OGN: variants seen among roughly 807,000 people sequenced by gnomAD.
OGN encodes the protein mimecan.
Under a neutral mutation model 30.8 loss-of-function variants are expected in OGN, and 19 were observed. The observed-to-expected ratio is 0.62, with a 90% CI of 0.43 to 0.90. The LOEUF (loss-of-function observed/expected upper bound fraction) is 0.90. OGN is among the 40% of genes least tolerant of loss of function. OGN has a pLI of 0.00. For missense variants in OGN, 283 were observed against 349.7 expected (o/e 0.81, Z 1.52); for synonymous variants, 126 against 128.3 (o/e 0.98, Z 0.12).
In OGN at chr9:92,386,200, C is replaced by T. The variant is rs141376892; in HGVS notation, c.726+1G>A. 5 of 1,591,272 alleles carry T rather than the reference C, an allele frequency of 3.1e-6. No homozygotes were observed. Among genetic ancestry groups the T allele is most frequent in the Non-Finnish European group, 2.6e-6 (3 of 1,159,508 alleles). The stretch of plus-strand genomic sequence containing the variant: ...AGATATTGTGAAAGGAACTATCATA[C>T]CTGAAGATGAATTACACGTAGACTT... On this transcript the variant is annotated splice_donor_variant, in intron 6 of 6. Transcript: ENST00000375561. LOFTEE classifies it high-confidence loss of function.
intron 4 of OGN, among the ~76,000 whole-genome samples, chr9:92,391,086 G>A (rs779153046): frequency 3.0e-4 from 46 of 151,850 alleles, no homozygotes; most frequent in Middle Eastern, 3.4e-3. Context: ...CCAACACAGC[G>A]CAACCTCATC....
upstream of OGN, chr9:92,404,615 A>C: frequency 2.3e-6 from 3 of 1,288,112 alleles, no homozygotes; most frequent in Non-Finnish European, 3.0e-6. Flanking sequence ...CTGCTGAGTA[A>C]AATTTCAGGG....
chr9:92,396,744 T>C (rs1032318483), intron 3 of OGN, among the ~76,000 whole-genome samples: 2 of 152,120 alleles, frequency 1.3e-5, no homozygotes, highest in East Asian at 3.9e-4. Flanking sequence ...CTTGGTTAAA[T>C]TTTTTGTAGA....
At chr9:92,388,408 T>C (rs576111142) in intron 5 of OGN, among the ~76,000 whole-genome samples, 2 of 152,034 alleles carry the variant, frequency 1.3e-5, no homozygotes, top group East Asian at 3.9e-4. Flanking sequence ...GTGATCCGCC[T>C]GCCTCATCCT....
intron 4 of OGN, among the ~76,000 whole-genome samples, chr9:92,390,704 TACTGA>T (rs1355883019): frequency 6.6e-6 from 1 of 152,226 alleles, no homozygotes; most frequent in East Asian, 1.9e-4. Context: ...AATTTGTAAA[TACTGA>T]ACCATTATTC....
chr9:92,389,002 T>C (rs1407512596), intron 5 of OGN, among the ~76,000 whole-genome samples: 1 of 152,180 alleles, frequency 6.6e-6, no homozygotes, highest in Non-Finnish European at 1.5e-5. Context: ...AATGGACTAT[T>C]TGTACACTTT....
rs563950879 is a variant in OGN, at chr9:92,391,864, A to C, written c.427+1222T>G. On this transcript the variant is annotated intron_variant, in intron 4 of 6. Coordinates refer to ENST00000375561, the MANE Select transcript of OGN (RefSeq NM_014057.5). ...TGTATTAATTTTGGGGTTATAAATA[A>C]ATTTTAGCAAGTGGGTATTCACAAA... is the stretch of plus-strand genomic sequence containing the variant. Among the ~76,000 whole-genome samples the C allele has an allele frequency of 4.6e-5, 7 of 152,298 alleles. No individual in the cohort carries two copies. In the East Asian group the frequency reaches 1.4e-3, roughly 29 times the overall value.
At chr9:92,402,373 A>G (rs528995261) in intron 2 of OGN, among the ~76,000 whole-genome samples, 1 of 152,348 alleles carries the variant, frequency 6.6e-6, no homozygotes, top group South Asian at 2.1e-4. Context: ...GGTCAATCTT[A>G]TAAGTCTTTA....
In OGN at chr9:92,389,834, T is replaced by C; in HGVS notation, c.630+20A>G. 1.3e-6 allele frequency: 2 copies of C among 1,531,240 alleles called. No individual in the cohort carries two copies. The highest frequency in any genetic ancestry group is 1.8e-6 in the Non-Finnish European group (2 of 1,108,640). 94.9% of individuals were successfully genotyped at this position (1,531,240 alleles called of 1,614,324 possible). ...ATATCATCACTCATACTATGCTTAGTTTTACTATAAAATACTTACTTTGAA... is the reference window on the plus strand; with the variant it reads ...ATATCATCACTCATACTATGCTTAGCTTTACTATAAAATACTTACTTTGAA... On this transcript the variant is annotated intron_variant, in intron 5 of 6. Transcript: ENST00000375561.
intron 6 of OGN, among the ~76,000 whole-genome samples, chr9:92,385,998 T>C (rs532694213): frequency 1.3e-5 from 2 of 152,330 alleles, no homozygotes; most frequent in East Asian, 3.9e-4. Context: ...GGTCTACTTG[T>C]TATGCTCTGG....
intron 1 of OGN, 86 bp from the exon 2 acceptor site, chr9:92,403,568 A>G: frequency 7.7e-7 from 1 of 1,294,250 alleles, no homozygotes; most frequent in African/African-American, 1.5e-5. Context: ...GGGCCAGAGA[A>G]CAGTATTTAA....
chr9:92,394,525 A>G (rs993033841), intron 3 of OGN, among the ~76,000 whole-genome samples: 1 of 151,530 alleles, frequency 6.6e-6, no homozygotes, highest in Non-Finnish European at 1.5e-5. Flanking sequence ...TGCCGGGATT[A>G]CAGACGTGAG....
At chr9:92,399,234 A>G (rs1843010416) in intron 3 of OGN, among the ~76,000 whole-genome samples, 1 of 152,072 alleles carries the variant, frequency 6.6e-6, no homozygotes, top group Admixed American at 6.5e-5. Context: ...GTGTTGTCAT[A>G]CTTCAATTTT....
intron 2 of OGN, among the ~76,000 whole-genome samples, chr9:92,402,938 A>G (rs1397646841): frequency 1.3e-5 from 2 of 152,210 alleles, no homozygotes; most frequent in Non-Finnish European, 1.5e-5. Flanking sequence ...ATTGTGTAAC[A>G]TTACTTAATA....
chr9:92,389,839 C>T lies in OGN; in HGVS notation c.630+15G>A. ...ATCACTCATACTATGCTTAGTTTTA[C>T]TATAAAATACTTACTTTGAATGCAT... On this transcript the variant is annotated intron_variant, in intron 5 of 6. Transcript: ENST00000375561. The T allele has an allele frequency of 6.5e-7, 1 of 1,549,760 alleles. No homozygotes were observed.
Position 92,385,780 on chromosome 9 carries a change from A to G in OGN, c.737T>C (p.Ile246Thr), listed in dbSNP as rs1165439202. Residue 246 changes from isoleucine (I) to threonine (T), a missense_variant, in exon 7 of 7, where the codon ATA becomes ACA. Transcript: ENST00000375561. ...LRVIHLQFNN[I>T]ASITDDTFCK... Reference sequence around the variant, plus strand: ...GAATGTGTCATCTGTAATTGAAGCTATGTTGTTGAACTGAAAAAAAACGAG... The same window carrying G: ...GAATGTGTCATCTGTAATTGAAGCTGTGTTGTTGAACTGAAAAAAAACGAG... The G allele has an allele frequency of 1.2e-6, 2 of 1,613,936 alleles. No individual in the cohort carries two copies. The highest frequency in any genetic ancestry group is 1.1e-5 in the South Asian group (1 of 91,068).
Position 92,385,737 on chromosome 9 carries a change from G to A in OGN, c.780C>T (p.Thr260=). Residue 260 remains threonine (T), a synonymous_variant, in exon 7 of 7, where the codon ACC becomes ACT. Transcript: ENST00000375561. ...TDDTFCKAND[T]SYIRDRIEEI... ...CTTCAATGCGGTCCCGGATGTAACTGGTGTCATTAGCCTTGCAGAATGTGT... is the reference window on the plus strand; with the variant it reads ...CTTCAATGCGGTCCCGGATGTAACTAGTGTCATTAGCCTTGCAGAATGTGT... 1 of 1,614,092 alleles carries A rather than the reference G, an allele frequency of 6.2e-7. No homozygotes were observed. The highest frequency in any genetic ancestry group is 8.5e-7 in the Non-Finnish European group (1 of 1,179,968).
chr9:92,384,828 A>T lies in OGN; in HGVS notation c.*792T>A, dbSNP rs1842360521. On this transcript the variant is annotated 3_prime_UTR_variant, in exon 7 of 7. Transcript: ENST00000375561. ...TATCTCGTATTTGAAAGACTTTGCCATAGAGAACTTTATCAGAAATGGATG... is the reference window on the plus strand; with the variant it reads ...TATCTCGTATTTGAAAGACTTTGCCTTAGAGAACTTTATCAGAAATGGATG... 1 of 152,224 alleles carries T rather than the reference A, an allele frequency of 6.6e-6. No homozygotes were observed. The allele number at this position is 152,224 out of a possible 1,614,324, so 9.4% of individuals were successfully genotyped here.
rs139749001 is a variant in OGN, at chr9:92,385,670, G to A, written c.847C>T (p.Pro283Ser). The change falls in exon 7 of 7, where the codon CCA (proline) becomes TCA (serine). Residue 283 changes from proline (P) to serine (S), a missense_variant. Coordinates refer to ENST00000375561, the MANE Select transcript of OGN (RefSeq NM_014057.5). ...EGNPIVLGKH[P>S]NSFICLKRLP... is the part of the protein sequence containing the mutation. The stretch of plus-strand genomic sequence containing the variant: ...CTTTTTAAGCAAATAAAACTGTTTG[G>A]ATGCTTTCCCAGGACGATTGGATTG... 1.2e-6 allele frequency: 2 copies of A among 1,613,996 alleles called. No homozygotes were observed. Among genetic ancestry groups the A allele is most frequent in the African/African-American group, 2.7e-5 (2 of 74,896 alleles).
Sources: gnomAD v4.1 joint callset for allele counts (sites outside exome capture counted in the v4.1 genomes callset) on GRCh38, gnomAD v4.1.1 for gene constraint, MANE v1.5 for transcripts, NCBI Gene and HGNC (gene_info 2026-07-23, HGNC 2026-07-21) for gene names.